Variants in SLC41A3 observed in about 807,000 individuals in gnomAD.
SLC41A3 encodes the protein SLC41A1-like 2.
Under a neutral mutation model 45.4 loss-of-function variants are expected in SLC41A3, and 44 were observed. The ratio of observed to expected loss-of-function variants is 0.97; its 90% confidence interval spans 0.76 to 1.25. The LOEUF is 1.25. Among genes scored for constraint, SLC41A3 ranks in the 50% most tolerant of loss-of-function variants. SLC41A3 has a pLI of 0.00. For synonymous variants in SLC41A3, 256 were observed against 252.4 expected, an observed-to-expected ratio of 1.01 and a Z score of -0.13; for missense variants, 550 against 600.6, an observed-to-expected ratio of 0.92 and a Z score of 0.88.
At chr3:126,059,260 AAAG>A (rs377595147) in intron 2 of SLC41A3, among the ~76,000 whole-genome samples, 5,321 of 13,352 alleles carry the variant, frequency 0.4, 1,325 homozygotes, top group Middle Eastern at 0.5. Flanking sequence ...AGAAAGAAAG[AAAG>A]AAGAAAGAAA....
At chr3:126,050,291 C>A (rs1244651063) in intron 3 of SLC41A3, among the ~76,000 whole-genome samples, 2 of 152,216 alleles carry the variant, frequency 1.3e-5, no homozygotes, top group African/African-American at 4.8e-5. Flanking sequence ...GAACACACCA[C>A]AACCTCCTCT....
In SLC41A3 at chr3:126,006,936, TG is replaced by T; in HGVS notation, c.*79del. The T allele has an allele frequency of 2.5e-6, 4 of 1,590,516 alleles. No individual in the cohort carries two copies. The highest frequency in any genetic ancestry group is 3.4e-6 in the Non-Finnish European group (4 of 1,167,278). On this transcript the variant is annotated 3_prime_UTR_variant, in exon 11 of 11. Coordinates refer to ENST00000360370, the MANE Select transcript of SLC41A3 (RefSeq NM_017836.4). Reference sequence around the variant, plus strand: ...GCAGGGGTCAACCATCCCAAGGACCTGGCAAGGGAGAAACTGAATTCTGTAT... The same window carrying T: ...GCAGGGGTCAACCATCCCAAGGACCTGCAAGGGAGAAACTGAATTCTGTAT...
chr3:126,015,429 G>A (rs2279820), intron 8 of SLC41A3, 65 bp downstream of exon 8: 422,117 of 1,550,484 alleles, frequency 0.27, 58,617 homozygotes, highest in Middle Eastern at 0.33. Flanking sequence ...CTGCTGTTCC[G>A]GTCCAACCCA....
rs777983054 is a variant in SLC41A3, at chr3:126,007,008, G to A, written c.*8C>T. 6.2e-7 allele frequency: 1 copy of A among 1,614,080 alleles called. No homozygotes were observed. The highest frequency in any genetic ancestry group is 8.5e-7 in the Non-Finnish European group (1 of 1,179,986). On this transcript the variant is annotated 3_prime_UTR_variant, in exon 11 of 11. Coordinates refer to ENST00000360370, the MANE Select transcript of SLC41A3 (RefSeq NM_017836.4). ...TTCTAATGAGCAAATGGGACCAGCG[G>A]GGCCCAGTTAGGGAGGTCCAGATGC...
chr3:126,071,448 T>C (rs925367360), intron 1 of SLC41A3, among the ~76,000 whole-genome samples: 2 of 152,182 alleles, frequency 1.3e-5, no homozygotes, highest in Non-Finnish European at 2.9e-5. Context: ...AATTCAATAA[T>C]AATAGTTGGA....
chr3:126,010,625 G>A (rs777039619), intron 9 of SLC41A3, among the ~76,000 whole-genome samples: 66 of 152,234 alleles, frequency 4.3e-4, no homozygotes, highest in Non-Finnish European at 8.4e-4. Context: ...GACCTCATCA[G>A]GAAAGGCCTG....
chr3:126,010,737 G>A (rs1490156595), intron 9 of SLC41A3, among the ~76,000 whole-genome samples: 2 of 152,172 alleles, frequency 1.3e-5, no homozygotes, highest in African/African-American at 4.8e-5. Context: ...AAGCCATGTG[G>A]GGAGCAACAA....
intron 2 of SLC41A3, chr3:126,057,156 T>C (rs1432785832): frequency 5.1e-6 from 5 of 985,252 alleles, no homozygotes; most frequent in Non-Finnish European, 6.0e-6. Flanking sequence ...AAGCAGTCTA[T>C]GGGTCCCCAA....
chr3:126,059,288 A>AAG (rs1491242632), intron 2 of SLC41A3, among the ~76,000 whole-genome samples: 2 of 111,328 alleles, frequency 1.8e-5, no homozygotes, highest in South Asian at 3.0e-4. Context: ...GAAAGAAAGA[A>AAG]AGAAAGAAAG....
rs571730640 is a variant in SLC41A3, at chr3:126,056,802, C to T, written c.274-5752G>A. 4 of 1,309,752 alleles carry T rather than the reference C, an allele frequency of 3.1e-6. No homozygotes were observed. The East Asian group carries it at 1.2e-4, about 40-fold the overall frequency. 81.1% of individuals were successfully genotyped at this position (1,309,752 alleles called of 1,614,324 possible). A position where few individuals can be genotyped will look rare whatever the true frequency, so the allele number is the denominator to read the frequency against. ...ATTACAGAGACTCTGCCAGGCCCTG[C>T]TGTCCCTCCCTGAAGGTCAGGCTCT... On this transcript the variant is annotated intron_variant, in intron 2 of 10. Transcript: ENST00000360370.
At chr3:126,084,859 C>G (rs1007182487), upstream of SLC41A3, among the ~76,000 whole-genome samples, 2 of 152,310 alleles carry the variant, frequency 1.3e-5, no homozygotes, top group Non-Finnish European at 2.9e-5. Flanking sequence ...AGAATTTAAC[C>G]TGAAAAACTG....
Position 126,015,568 on chromosome 3 carries a change from C to G in SLC41A3, c.896G>C (p.Gly299Ala). The change falls in exon 8 of 11, where the codon GGA (glycine) becomes GCA (alanine). Residue 299 changes from glycine to alanine, a missense_variant. Coordinates refer to ENST00000360370, the MANE Select transcript of SLC41A3 (RefSeq NM_017836.4). The stretch of plus-strand genomic sequence containing the variant: ...AACGGTTTTGCTCAAGATGAGTCCT[C>G]CGAAACTGGGGAAATAGCAGACAGC... ...IILAMVISSF[G>A]GLILSKTVSK... 6.2e-7 allele frequency: 1 copy of G among 1,614,194 alleles called. No individual in the cohort carries two copies. Among genetic ancestry groups the G allele is most frequent in the African/African-American group, 1.3e-5 (1 of 75,060 alleles).
intron 2 of SLC41A3, among the ~76,000 whole-genome samples, chr3:126,052,168 T>C (rs76887971): frequency 9.5e-4 from 144 of 152,266 alleles, no homozygotes; most frequent in African/African-American, 3.3e-3. Flanking sequence ...CTCTTAAAAC[T>C]TGAGAAGAAA....
rs1327257557 is a variant in SLC41A3, at chr3:126,026,883, C to A, written c.454-404G>T. ...TTGCCATGTGGTGTACCCCACGACA[C>A]AGAGCAGTCACACGGGAGGACTTCA... On this transcript the variant is annotated intron_variant, in intron 4 of 10. Coordinates refer to ENST00000360370, the MANE Select transcript of SLC41A3 (RefSeq NM_017836.4). The surrounding 1 kb of genome is among the most constrained non-coding windows in gnomAD (Gnocchi z 4.2). 3.3e-5 allele frequency among the ~76,000 whole-genome samples: 5 copies of A among 152,194 alleles called. No individual in the cohort carries two copies. Among genetic ancestry groups the A allele is most frequent in the African/African-American group, 1.2e-4 (5 of 41,448 alleles).
chr3:126,059,302 GA>G (rs745757552), intron 2 of SLC41A3, among the ~76,000 whole-genome samples: 2 of 121,242 alleles, frequency 1.6e-5, no homozygotes, highest in Non-Finnish European at 3.7e-5. Flanking sequence ...AAGAAAGAAA[GA>G]AAGAAAGGAA....
At chr3:126,047,435 T>G (rs187527778) in intron 3 of SLC41A3, among the ~76,000 whole-genome samples, 4 of 152,298 alleles carry the variant, frequency 2.6e-5, no homozygotes, top group African/African-American at 9.6e-5. Context: ...CTATGGAATT[T>G]AAGGGACCCT....
chr3:126,015,268 G>A lies in SLC41A3; in HGVS notation c.970+226C>T, dbSNP rs751350235. 8.5e-5 allele frequency among the ~76,000 whole-genome samples: 13 copies of A among 152,154 alleles called. No individual in the cohort carries two copies. The South Asian group carries it at 1.5e-3, about 17-fold the overall frequency. ...GTCCCAGGGCTGCCTGTGAGGAGCC[G>A]GGTCTGAGCTGCTGCGAACAGTGTG... On this transcript the variant is annotated intron_variant, in intron 8 of 10. Coordinates refer to ENST00000360370, the MANE Select transcript of SLC41A3 (RefSeq NM_017836.4).
At chr3:126,035,831 A>C (rs1942147482) in intron 3 of SLC41A3, among the ~76,000 whole-genome samples, 1 of 151,966 alleles carries the variant, frequency 6.6e-6, no homozygotes, top group Non-Finnish European at 1.5e-5. Context: ...GTTTGTCGCC[A>C]CCCACGAGGG....
chr3:126,064,673 C>T (rs1430404209), intron 2 of SLC41A3, among the ~76,000 whole-genome samples: 1 of 152,162 alleles, frequency 6.6e-6, no homozygotes, highest in African/African-American at 2.4e-5. Context: ...ACCCCTCCAG[C>T]CAGCCCTCTT....
Sources: allele counts gnomAD v4.1 joint callset (sites outside exome capture counted in the v4.1 genomes callset), GRCh38; gene constraint gnomAD v4.1.1; non-coding constraint Gnocchi (gnomAD v3.1); transcripts MANE v1.5; gene names NCBI Gene and HGNC (gene_info 2026-07-23, HGNC 2026-07-21).